The following SNX7 variants were observed in gnomAD, a reference collection of about 807,000 sequenced individuals.
SNX7 encodes the protein sorting nexin-7.
In SNX7, 35 loss-of-function variants were observed where a neutral mutation model predicts 48.4. That is an observed-to-expected ratio of 0.72 (90% CI 0.55 to 0.96). The LOEUF is 0.96. Among genes scored for constraint, SNX7 ranks in the 40% least tolerant of loss-of-function variants. The pLI, the probability that SNX7 is intolerant of heterozygous loss-of-function variation, is 0.00. For synonymous variants in SNX7, 190 were observed against 190.2 expected (o/e 1.00, Z 0.01); for missense variants, 553 against 548.9 (o/e 1.01, Z -0.07).
At chr1:98,750,134 ATT>A (rs1654510420) in intron 8 of SNX7, among the ~76,000 whole-genome samples, 1 of 151,990 alleles carries the variant, frequency 6.6e-6, no homozygotes, top group Non-Finnish European at 1.5e-5. Flanking sequence ...CATTATTATT[ATT>A]AGGTAAATGT....
chr1:98,710,389 G>A (rs1652237460), intron 7 of SNX7, among the ~76,000 whole-genome samples: 1 of 152,104 alleles, frequency 6.6e-6, no homozygotes, highest in Non-Finnish European at 1.5e-5. Context: ...TAACAATGTT[G>A]CAGATAATTT....
At chr1:98,702,688 A>C (rs1371783321) in intron 7 of SNX7, among the ~76,000 whole-genome samples, 1 of 152,250 alleles carries the variant, frequency 6.6e-6, no homozygotes, top group Admixed American at 6.6e-5. Context: ...TAGGTCTTGA[A>C]ATGCAGAATA....
At position 98,673,683 on chromosome 1, in the gene SNX7, C is replaced by A. The variant is rs934004917; in HGVS notation, c.181-11202C>A. Among the ~76,000 whole-genome samples the A allele has an allele frequency of 2.0e-5, 3 of 152,098 alleles. 1 individual carries two copies. Among genetic ancestry groups the A allele is most frequent in the Admixed American group, 2.0e-4 (3 of 15,272 alleles). On this transcript the variant is annotated intron_variant, in intron 1 of 8. Coordinates refer to ENST00000306121, the MANE Select transcript of SNX7 (RefSeq NM_015976.5). ...CTATACTGAGTGCTTTTCATGTGCA[C>A]ATGGATGGTGAGGGTGGTTGAGTCT...
intron 8 of SNX7, among the ~76,000 whole-genome samples, chr1:98,740,224 A>G (rs1654003137): frequency 6.6e-6 from 1 of 152,272 alleles, no homozygotes; most frequent in East Asian, 1.9e-4. Context: ...GATATAAAGT[A>G]TTTCTTTTTA....
At chr1:98,742,712 A>G (rs1654130576) in intron 8 of SNX7, among the ~76,000 whole-genome samples, 1 of 152,090 alleles carries the variant, frequency 6.6e-6, no homozygotes, top group African/African-American at 2.4e-5. Flanking sequence ...AAGAATACCC[A>G]TATAATCCTT....
At chr1:98,680,044 C>T (rs2100930363) in intron 1 of SNX7, among the ~76,000 whole-genome samples, 1 of 152,322 alleles carries the variant, frequency 6.6e-6, no homozygotes, top group East Asian at 1.9e-4. Context: ...TCCATGAGAG[C>T]TCCATCCCTA....
At chr1:98,678,467 A>G (rs899016617) in intron 1 of SNX7, among the ~76,000 whole-genome samples, 6 of 152,184 alleles carry the variant, frequency 3.9e-5, no homozygotes, top group South Asian at 2.1e-4. Context: ...TGTCTCATAT[A>G]TTTATTTCCT....
chr1:98,681,982 C>G (rs550480388), intron 1 of SNX7, among the ~76,000 whole-genome samples: 2 of 152,208 alleles, frequency 1.3e-5, no homozygotes, highest in East Asian at 3.9e-4. Context: ...TTTGCTTTCT[C>G]TCTCCTTAAC....
At position 98,741,787 on chromosome 1, in the gene SNX7, T is replaced by G. The variant is rs192491594; in HGVS notation, c.1278+3398T>G. On this transcript the variant is annotated intron_variant, in intron 8 of 8. Coordinates refer to ENST00000306121, the MANE Select transcript of SNX7 (RefSeq NM_015976.5). ...TTGAAGGTGCAAAAGAATATCTGCT[T>G]TGTTGCTGTCAATGCTGATGATGCT... 3.9e-5 allele frequency among the ~76,000 whole-genome samples: 6 copies of G among 152,230 alleles called. No homozygotes were observed. In the East Asian group the frequency reaches 1.2e-3, roughly 29 times the overall value.
At chr1:98,672,531 G>A (rs1649925441) in intron 1 of SNX7, among the ~76,000 whole-genome samples, 1 of 151,028 alleles carries the variant, frequency 6.6e-6, no homozygotes, top group Non-Finnish European at 1.5e-5. Flanking sequence ...TTGTGGCAAA[G>A]TTATAGGCAA....
intron 7 of SNX7, among the ~76,000 whole-genome samples, chr1:98,737,852 A>G (rs980481825): frequency 6.6e-6 from 1 of 152,200 alleles, no homozygotes; most frequent in African/African-American, 2.4e-5. Context: ...GAAGTGAAAG[A>G]CACCATATCT....
At chr1:98,717,313 C>T (rs1456670449) in intron 7 of SNX7, among the ~76,000 whole-genome samples, 1 of 152,106 alleles carries the variant, frequency 6.6e-6, no homozygotes, top group Non-Finnish European at 1.5e-5. Flanking sequence ...TTATTTTCCT[C>T]ATTTTATAAG....
At chr1:98,665,817 T>G (rs1649506115) in intron 1 of SNX7, among the ~76,000 whole-genome samples, 1 of 152,198 alleles carries the variant, frequency 6.6e-6, no homozygotes, top group Non-Finnish European at 1.5e-5. Context: ...CTCAAACTCC[T>G]GACCTCAAGT....
chr1:98,734,778 C>T (rs1039189763), intron 7 of SNX7, among the ~76,000 whole-genome samples: 2 of 152,018 alleles, frequency 1.3e-5, no homozygotes, highest in Admixed American at 6.6e-5. Flanking sequence ...ATTAGTCTTA[C>T]GATTAAATAT....
intron 7 of SNX7, among the ~76,000 whole-genome samples, chr1:98,717,843 A>G (rs1388831885): frequency 6.6e-6 from 1 of 152,072 alleles, no homozygotes; most frequent in Non-Finnish European, 1.5e-5. Flanking sequence ...TTACAAAGAT[A>G]GTGTCCTTCC....
intron 1 of SNX7, among the ~76,000 whole-genome samples, chr1:98,683,326 G>A (rs754082756): frequency 1.3e-5 from 2 of 152,106 alleles, no homozygotes; most frequent in Non-Finnish European, 2.9e-5. Flanking sequence ...CAGAGACCTG[G>A]CTAATTCATT....
At chr1:98,734,954 A>G (rs1283190541) in intron 7 of SNX7, among the ~76,000 whole-genome samples, 3 of 152,172 alleles carry the variant, frequency 2.0e-5, no homozygotes, top group Non-Finnish European at 2.9e-5. Context: ...CTTAAATCCT[A>G]TCTAGCCCAG....
At chr1:98,689,425 T>C (rs1650989931) in intron 2 of SNX7, among the ~76,000 whole-genome samples, 1 of 152,228 alleles carries the variant, frequency 6.6e-6, no homozygotes, top group Non-Finnish European at 1.5e-5. Context: ...CTTCTTCTGT[T>C]GCACTACATT....
intron 2 of SNX7, among the ~76,000 whole-genome samples, chr1:98,690,442 G>A (rs1252019189): frequency 9.9e-5 from 15 of 152,000 alleles, no homozygotes; most frequent in Admixed American, 9.2e-4. Flanking sequence ...ATTTTTAGGA[G>A]TTTAGGCATA....
Sources: allele counts gnomAD v4.1 joint callset (sites outside exome capture counted in the v4.1 genomes callset), GRCh38; gene constraint gnomAD v4.1.1; transcripts MANE v1.5; gene names NCBI Gene and HGNC (gene_info 2026-07-23, HGNC 2026-07-21).